Variants in KLHL1 observed in about 807,000 individuals in gnomAD.
KLHL1 encodes kelch-like protein 1.
KLHL1 carries 47 observed loss-of-function variants against 77.7 expected under a neutral mutation model. That is an observed-to-expected ratio of 0.60 (90% CI 0.48 to 0.77). The LOEUF is 0.77. Among genes scored for constraint, KLHL1 ranks in the 30% least tolerant of loss-of-function variants. KLHL1 has a pLI of 0.00. For missense variants in KLHL1, 925 were observed against 910.8 expected (o/e 1.02, Z -0.20); for synonymous variants, 360 against 325.2 (o/e 1.11, Z -1.15).
chr13:69,961,676 C>T (rs1014022100), intron 2 of KLHL1, among the ~76,000 whole-genome samples: 2 of 152,000 alleles, frequency 1.3e-5, no homozygotes, highest in African/African-American at 4.8e-5. Context: ...GATATTTTGT[C>T]TTTCACATTT....
intron 8 of KLHL1, among the ~76,000 whole-genome samples, chr13:69,727,986 G>A (rs1369864439): frequency 1.3e-5 from 2 of 151,148 alleles, no homozygotes. Flanking sequence ...CTTTCTTATT[G>A]GAATGATTCC....
intron 1 of KLHL1, among the ~76,000 whole-genome samples, chr13:70,020,183 A>G (rs1885753817): frequency 6.6e-6 from 1 of 152,136 alleles, no homozygotes; most frequent in Admixed American, 6.5e-5. Context: ...AATGGACAAA[A>G]AGATCTATTT....
At chr13:69,862,425 A>G (rs2138155670) in intron 5 of KLHL1, among the ~76,000 whole-genome samples, 1 of 152,248 alleles carries the variant, frequency 6.6e-6, no homozygotes, top group Non-Finnish European at 1.5e-5. Flanking sequence ...CATATACTTT[A>G]ATTCCTACCC....
chr13:70,086,166 G>C (rs564268075), intron 1 of KLHL1, among the ~76,000 whole-genome samples: 4 of 151,904 alleles, frequency 2.6e-5, no homozygotes, highest in Non-Finnish European at 5.9e-5. Context: ...AGGGTAGAAA[G>C]AACAACATGG....
At chr13:70,078,233 C>T (rs562163176) in intron 1 of KLHL1, among the ~76,000 whole-genome samples, 1 of 151,376 alleles carries the variant, frequency 6.6e-6, no homozygotes, top group South Asian at 2.1e-4. Context: ...ACTTAAGTAC[C>T]AACCAACCAC....
At chr13:69,703,230 T>C (rs1875478778) in intron 10 of KLHL1, among the ~76,000 whole-genome samples, 1 of 151,510 alleles carries the variant, frequency 6.6e-6, no homozygotes, top group Non-Finnish European at 1.5e-5. Context: ...GGTAATGTCA[T>C]AGCCCTCTTA....
At chr13:70,035,959 T>G (rs540475630) in intron 1 of KLHL1, among the ~76,000 whole-genome samples, 1 of 152,092 alleles carries the variant, frequency 6.6e-6, no homozygotes, top group Non-Finnish European at 1.5e-5. Flanking sequence ...TTAGCAATTA[T>G]GTAATACATT....
intron 1 of KLHL1, among the ~76,000 whole-genome samples, chr13:70,104,452 A>G (rs573609706): frequency 2.6e-5 from 4 of 152,232 alleles, no homozygotes; most frequent in African/African-American, 9.6e-5. Flanking sequence ...ACTTTCCCCA[A>G]ATGTCCTCCA....
chr13:69,883,164 G>A (rs929267631), intron 4 of KLHL1, among the ~76,000 whole-genome samples: 1 of 152,100 alleles, frequency 6.6e-6, no homozygotes, highest in African/African-American at 2.4e-5. Context: ...CATGATGACA[G>A]AATAATATTT....
At chr13:70,037,536 A>G (rs1016537407) in intron 1 of KLHL1, among the ~76,000 whole-genome samples, 1 of 152,076 alleles carries the variant, frequency 6.6e-6, no homozygotes, top group African/African-American at 2.4e-5. Context: ...GTTGTCTAAA[A>G]TATAAGAATG....
chr13:70,034,045 G>C (rs113389608), intron 1 of KLHL1, among the ~76,000 whole-genome samples: 1 of 152,046 alleles, frequency 6.6e-6, no homozygotes, highest in Non-Finnish European at 1.5e-5. Flanking sequence ...CCTAAATAGA[G>C]TCAAAAAATA....
chr13:69,995,133 T>C (rs1174982134), intron 1 of KLHL1, among the ~76,000 whole-genome samples: 1 of 152,164 alleles, frequency 6.6e-6, no homozygotes, highest in African/African-American at 2.4e-5. Flanking sequence ...TTATTTATTT[T>C]TGGTTTCTTT....
chr13:69,978,138 AG>A (rs1884600780), intron 1 of KLHL1, among the ~76,000 whole-genome samples: 1 of 152,162 alleles, frequency 6.6e-6, no homozygotes, highest in South Asian at 2.1e-4. Flanking sequence ...ACATATAGCA[AG>A]AACAGCAGAA....
At position 69,961,383 on chromosome 13, in the gene KLHL1, C is replaced by T; in HGVS notation, c.742G>A (p.Ala248Thr). 6.2e-7 allele frequency: 1 copy of T among 1,613,124 alleles called. No homozygotes were observed. Among genetic ancestry groups the T allele is most frequent in the Non-Finnish European group, 8.5e-7 (1 of 1,179,434 alleles). ...TCCATTTTGATCTCCTCTTGCTTGG[C>T]TTCACAAACATCACTTGTAAACATG... ...AAMFTSDVCEAKQEEIKMEGI... is the reference protein window; with the variant it reads ...AAMFTSDVCETKQEEIKMEGI... The change falls in exon 3 of 11, where the codon GCC becomes ACC. Residue 248 changes from alanine to threonine, a missense_variant. Transcript: ENST00000377844.
rs1430588733 is a variant in KLHL1, at chr13:69,707,645, G to A, written c.2167C>T (p.Gln723Ter). 6.2e-7 allele frequency: 1 copy of A among 1,611,388 alleles called. No individual in the cohort carries two copies. Among genetic ancestry groups the A allele is most frequent in the Non-Finnish European group, 8.5e-7 (1 of 1,178,488 alleles). Residue 723 changes from glutamine to a stop codon, truncating the protein, a stop_gained, in exon 10 of 11, where the codon CAA becomes TAA. Transcript: ENST00000377844. LOFTEE classifies it high-confidence loss of function. ...YLNTMESYDP[Q>*]TNEWTQMASL... ...CTTACCTGTGTCCACTCATTAGTTTGTGGGTCATAGGATTCCATAGTGTTG... is the reference window on the plus strand; with the variant it reads ...CTTACCTGTGTCCACTCATTAGTTTATGGGTCATAGGATTCCATAGTGTTG...
intron 4 of KLHL1, among the ~76,000 whole-genome samples, chr13:69,911,123 CTTCT>C (rs1355734798): frequency 1.3e-5 from 2 of 152,154 alleles, no homozygotes; most frequent in East Asian, 3.9e-4. Context: ...CTCTCTCTCT[CTTCT>C]GTCTCCCTCT....
chr13:69,764,385 C>T (rs1875167520), intron 7 of KLHL1, among the ~76,000 whole-genome samples: 1 of 152,080 alleles, frequency 6.6e-6, no homozygotes, highest in Admixed American at 6.6e-5. Context: ...TGAATCTATT[C>T]TGGTTCGAAG....
chr13:69,870,899 G>A (rs1044624075), intron 5 of KLHL1, among the ~76,000 whole-genome samples: 2 of 152,006 alleles, frequency 1.3e-5, no homozygotes, highest in South Asian at 2.1e-4. Context: ...CCATGTGGCC[G>A]CTCTCAGGGA....
At chr13:70,009,677 T>C (rs1222781843) in intron 1 of KLHL1, among the ~76,000 whole-genome samples, 1 of 152,200 alleles carries the variant, frequency 6.6e-6, no homozygotes. Flanking sequence ...TGTCTCCATG[T>C]GAGCTTCAAT....
Sources: gnomAD v4.1 joint callset for allele counts (sites outside exome capture counted in the v4.1 genomes callset) on GRCh38, gnomAD v4.1.1 for gene constraint, MANE v1.5 for transcripts, NCBI Gene and HGNC (gene_info 2026-07-23, HGNC 2026-07-21) for gene names.